ARIH1: variants seen among roughly 807,000 people sequenced by gnomAD.
The protein encoded by ARIH1 is E3 ubiquitin-protein ligase ARIH1.
In ARIH1, 8 loss-of-function variants were observed where a neutral mutation model predicts 85.0. The observed-to-expected ratio is 0.09, with a 90% CI of 0.06 to 0.17. The LOEUF is 0.17. Among genes scored for constraint, ARIH1 ranks in the 10% least tolerant of loss-of-function variants. The pLI, the probability that ARIH1 is intolerant of heterozygous loss-of-function variation, is 1.00. For missense variants in ARIH1, 311 were observed against 718.1 expected (o/e 0.43, Z 6.48); for synonymous variants, 238 against 253.6 (o/e 0.94, Z 0.59).
intron 2 of ARIH1, among the ~76,000 whole-genome samples, chr15:72,531,259 A>T (rs1017818634): frequency 7.8e-5 from 11 of 140,652 alleles, no homozygotes; most frequent in African/African-American, 1.3e-4. Flanking sequence ...CCACATTTTT[A>T]TTTATTTATT....
chr15:72,551,138 G>A (rs1350854586), intron 3 of ARIH1, among the ~76,000 whole-genome samples: 1 of 152,038 alleles, frequency 6.6e-6, no homozygotes, highest in Non-Finnish European at 1.5e-5. Flanking sequence ...AAATCTAAGG[G>A]AATTTTAAAA....
chr15:72,555,218 A>T, intron 3 of ARIH1, 53 bp from the exon 4 acceptor site: 1 of 1,345,636 alleles, frequency 7.4e-7, no homozygotes, highest in Non-Finnish European at 1.1e-6. Context: ...CACTGTTTAT[A>T]GTGAGTTTTC....
At chr15:72,563,597 C>A in intron 7 of ARIH1, 97 bp downstream of exon 7, 1 of 1,002,070 alleles carries the variant, frequency 1.0e-6, no homozygotes, top group Non-Finnish European at 1.5e-6. Flanking sequence ...AAGTGTTTAC[C>A]TTAGGCAGGG....
chr15:72,561,687 A>G (rs1193455857), intron 6 of ARIH1, 138 bp downstream of exon 6: 2 of 594,542 alleles, frequency 3.4e-6, no homozygotes. Flanking sequence ...TTTATTCTCA[A>G]AAGAGTATGA....
rs1491385572 is a variant in ARIH1, at chr15:72,591,243, A to AG, written c.*7952dup. On this transcript the variant is annotated 3_prime_UTR_variant, in exon 14 of 14. Coordinates refer to ENST00000379887, the MANE Select transcript of ARIH1 (RefSeq NM_005744.5). ...TCAAAAAAAAAAAAAAAAAAAAAAA[A>AG]GAAGAAGAAGAAGAAATACAAAACC... 6 of 140,444 alleles carry AG rather than the reference A, an allele frequency of 4.3e-5. No individual in the cohort carries two copies. Among genetic ancestry groups the AG allele is most frequent in the African/African-American group, 1.6e-4 (6 of 38,430 alleles). 8.7% of individuals were successfully genotyped at this position (140,444 alleles called of 1,614,324 possible). A position where few individuals can be genotyped will look rare whatever the true frequency, so the allele number is the denominator to read the frequency against.
intron 5 of ARIH1, among the ~76,000 whole-genome samples, chr15:72,557,694 A>C (rs2064180385): frequency 6.6e-6 from 1 of 152,196 alleles, no homozygotes; most frequent in South Asian, 2.1e-4. Context: ...CTTACATTAA[A>C]GTATTTAATC....
intron 3 of ARIH1, among the ~76,000 whole-genome samples, chr15:72,552,828 G>A (rs539278581): frequency 1.9e-4 from 28 of 150,924 alleles, no homozygotes; most frequent in African/African-American, 6.8e-4. Flanking sequence ...AAGCTGGAGT[G>A]CGGTGGTGCG....
intron 2 of ARIH1, among the ~76,000 whole-genome samples, chr15:72,534,514 G>A (rs1418353847): frequency 6.6e-6 from 1 of 152,144 alleles, no homozygotes; most frequent in African/African-American, 2.4e-5. Flanking sequence ...CAGTCTTAAA[G>A]GGAAGGTCCA....
intron 1 of ARIH1, among the ~76,000 whole-genome samples, chr15:72,504,451 A>T (rs1490925465): frequency 6.6e-6 from 1 of 152,080 alleles, no homozygotes; most frequent in Non-Finnish European, 1.5e-5. Flanking sequence ...AGGATGGTGG[A>T]GGCGGATAAT....
chr15:72,511,928 C>A (rs1289252335), intron 1 of ARIH1, among the ~76,000 whole-genome samples: 1 of 151,094 alleles, frequency 6.6e-6, no homozygotes, highest in African/African-American at 2.5e-5. Flanking sequence ...TATATCCTAT[C>A]CTGTGACTTT....
At chr15:72,543,230 G>A (rs191145883) in intron 2 of ARIH1, among the ~76,000 whole-genome samples, 156 of 151,972 alleles carry the variant, frequency 1.0e-3, no homozygotes, top group African/African-American at 3.6e-3. Context: ...CCACCGCGGC[G>A]CCTGTAATCC....
At chr15:72,483,639 T>C (rs963953164) in intron 1 of ARIH1, among the ~76,000 whole-genome samples, 2 of 152,202 alleles carry the variant, frequency 1.3e-5, no homozygotes, top group African/African-American at 4.8e-5. Context: ...CATAGTGTTT[T>C]GGATTTTTTA....
chr15:72,501,511 A>G (rs1378298974), intron 1 of ARIH1, among the ~76,000 whole-genome samples: 1 of 152,210 alleles, frequency 6.6e-6, no homozygotes, highest in Non-Finnish European at 1.5e-5. Context: ...GTTAAAAATC[A>G]AATTTTTGTA....
chr15:72,567,793 C>A (rs535266265), intron 9 of ARIH1, among the ~76,000 whole-genome samples: 1 of 152,010 alleles, frequency 6.6e-6, no homozygotes, highest in Non-Finnish European at 1.5e-5. Context: ...CTATCCTATC[C>A]CCATAGTGAG....
At chr15:72,475,156 G>A in intron 1 of ARIH1, 142 bp downstream of exon 1, 6 of 1,417,678 alleles carry the variant, frequency 4.2e-6, no homozygotes, top group Non-Finnish European at 5.6e-6. Flanking sequence ...CGCTGCCTCT[G>A]CTGGGGATAG....
Position 72,590,407 on chromosome 15 carries a change from TTGG to T in ARIH1, c.*7118_*7120del, listed in dbSNP as rs979304970. 2.0e-5 allele frequency: 3 copies of T among 152,252 alleles called. No individual in the cohort carries two copies. The highest frequency in any genetic ancestry group is 4.4e-5 in the Non-Finnish European group (3 of 68,054). 9.4% of individuals were successfully genotyped at this position (152,252 alleles called of 1,614,324 possible). A position where few individuals can be genotyped will look rare whatever the true frequency, so the allele number is the denominator to read the frequency against. On this transcript the variant is annotated 3_prime_UTR_variant, in exon 14 of 14. Transcript: ENST00000379887. Reference sequence around the variant, plus strand: ...CTCTTCAAAACAGATGCCTCTTTCGTTGGTGACCTCAGATACACTGTTCAGAAG... The same window carrying T: ...CTCTTCAAAACAGATGCCTCTTTCGTTGACCTCAGATACACTGTTCAGAAG...
At chr15:72,524,758 C>G (rs892602642) in intron 2 of ARIH1, among the ~76,000 whole-genome samples, 2 of 152,166 alleles carry the variant, frequency 1.3e-5, no homozygotes, top group Admixed American at 6.5e-5. Context: ...ATCATTAATT[C>G]ATGTTAGCCA....
chr15:72,502,687 TC>T (rs1425901123), intron 1 of ARIH1, among the ~76,000 whole-genome samples: 1 of 152,064 alleles, frequency 6.6e-6, no homozygotes, highest in Admixed American at 6.6e-5. Flanking sequence ...GTGCCTGTAG[TC>T]CCAGTTACTT....
At chr15:72,568,817 A>G (rs2064231716) in intron 9 of ARIH1, among the ~76,000 whole-genome samples, 1 of 152,232 alleles carries the variant, frequency 6.6e-6, no homozygotes, top group African/African-American at 2.4e-5. Context: ...ATATAATTAA[A>G]AAGTTGCTAT....
Sources: gnomAD v4.1 joint callset for allele counts (sites outside exome capture counted in the v4.1 genomes callset) on GRCh38, gnomAD v4.1.1 for gene constraint, MANE v1.5 for transcripts, NCBI Gene and HGNC (gene_info 2026-07-23, HGNC 2026-07-21) for gene names.